GRID2: variants seen among roughly 807,000 people sequenced by gnomAD.
GRID2 encodes the protein glutamate receptor ionotropic, delta-2.
Under a neutral mutation model 114.8 loss-of-function variants are expected in GRID2, and 33 were observed. The ratio of observed to expected loss-of-function variants is 0.29; its 90% CI spans 0.22 to 0.38. The LOEUF is 0.38. GRID2 is among the 10% of genes least tolerant of loss of function. The probability of loss-of-function intolerance (pLI) is 1.00; values close to 1 mark genes in which losing one functional copy is unlikely to be tolerated. For synonymous variants in GRID2, 505 were observed against 449.9 expected, an observed-to-expected ratio of 1.12 and a Z score of -1.55; for missense variants, 1,184 against 1,257.7, an observed-to-expected ratio of 0.94 and a Z score of 0.89.
chr4:93,328,482 ACTAT>A (rs1211999556), intron 8 of GRID2, among the ~76,000 whole-genome samples: 1 of 152,104 alleles, frequency 6.6e-6, no homozygotes, highest in African/African-American at 2.4e-5. Context: ...TCCTTATAAC[ACTAT>A]CTAAAATAAC....
intron 13 of GRID2, among the ~76,000 whole-genome samples, chr4:93,613,855 A>C (rs902778385): frequency 8.6e-5 from 13 of 151,366 alleles, no homozygotes; most frequent in South Asian, 4.2e-4. Flanking sequence ...TCGAGCTTCC[A>C]GGCTGCTTTG....
intron 12 of GRID2, among the ~76,000 whole-genome samples, chr4:93,492,503 A>G (rs1727116387): frequency 6.6e-6 from 1 of 151,842 alleles, no homozygotes; most frequent in Non-Finnish European, 1.5e-5. Flanking sequence ...GAACACAAGA[A>G]GAAACTCGTC....
intron 2 of GRID2, among the ~76,000 whole-genome samples, chr4:92,746,150 C>T (rs916286844): frequency 3.9e-5 from 6 of 152,028 alleles, no homozygotes; most frequent in Admixed American, 3.9e-4. Flanking sequence ...GTATATCTTC[C>T]TAAAATATCA....
chr4:93,576,613 T>C (rs1047559075), intron 13 of GRID2, among the ~76,000 whole-genome samples: 6 of 152,234 alleles, frequency 3.9e-5, no homozygotes, highest in African/African-American at 7.2e-5. Flanking sequence ...TTTTCAAATA[T>C]AGAGAATATT....
chr4:93,311,726 A>G (rs544852979), intron 8 of GRID2, among the ~76,000 whole-genome samples: 83 of 152,300 alleles, frequency 5.4e-4, no homozygotes, highest in African/African-American at 1.8e-3. Context: ...GAGGATGAAC[A>G]GGAGAGGGTA....
intron 2 of GRID2, among the ~76,000 whole-genome samples, chr4:92,687,982 A>G (rs749331782): frequency 2.4e-4 from 32 of 132,266 alleles, no homozygotes; most frequent in Non-Finnish European, 3.4e-4. Context: ...TGCTGTGGCC[A>G]TTTTTAAAAA....
chr4:93,275,853 A>C (rs1751999836), intron 8 of GRID2, among the ~76,000 whole-genome samples: 1 of 151,872 alleles, frequency 6.6e-6, no homozygotes, highest in African/African-American at 2.4e-5. Flanking sequence ...TTCTTTATAT[A>C]AATTGGATAT....
At chr4:93,656,068 A>G (rs1184731450) in intron 14 of GRID2, among the ~76,000 whole-genome samples, 1 of 151,858 alleles carries the variant, frequency 6.6e-6, no homozygotes, top group Non-Finnish European at 1.5e-5. Flanking sequence ...ATATAAATGT[A>G]TCTTCAGTAC....
At position 93,625,945 on chromosome 4, in the gene GRID2, A is replaced by G. The variant is rs112107988; in HGVS notation, c.2194-324A>G. 3.2e-3 allele frequency among the ~76,000 whole-genome samples: 492 copies of G among 152,254 alleles called. 2 individuals carry two copies. The highest frequency in any genetic ancestry group is 0.011 in the African/African-American group (452 of 41,552). On this transcript the variant is annotated intron_variant, in intron 13 of 15. Transcript: ENST00000282020. Reference sequence around the variant, plus strand: ...AAACAAAACAAAACAAAACAAAAATAAAGCGCAACAACTGTTTACATAGCA... The same window carrying G: ...AAACAAAACAAAACAAAACAAAAATGAAGCGCAACAACTGTTTACATAGCA...
At chr4:93,667,388 C>CT (rs1215839277) in intron 14 of GRID2, among the ~76,000 whole-genome samples, 2,967 of 142,528 alleles carry the variant, frequency 0.021, 80 homozygotes, top group African/African-American at 0.066. Context: ...CTCTCTCTCT[C>CT]TTTTTTTTTT....
At chr4:92,923,637 A>T (rs1382658228) in intron 2 of GRID2, among the ~76,000 whole-genome samples, 1 of 152,214 alleles carries the variant, frequency 6.6e-6, no homozygotes, top group Non-Finnish European at 1.5e-5. Flanking sequence ...ATAAACTGCG[A>T]CGTAACTGGG....
intron 9 of GRID2, among the ~76,000 whole-genome samples, chr4:93,400,528 T>C (rs979724974): frequency 6.6e-6 from 1 of 152,134 alleles, no homozygotes; most frequent in African/African-American, 2.4e-5. Flanking sequence ...GTCATTCAAT[T>C]GTTTTCATGG....
chr4:92,786,140 C>G (rs1213858747), intron 2 of GRID2, among the ~76,000 whole-genome samples: 1 of 151,864 alleles, frequency 6.6e-6, no homozygotes, highest in Non-Finnish European at 1.5e-5. Flanking sequence ...TCATGCTTTT[C>G]TTTTAACCTT....
intron 4 of GRID2, among the ~76,000 whole-genome samples, chr4:93,186,223 A>G (rs187572063): frequency 8.5e-5 from 13 of 152,222 alleles, no homozygotes; most frequent in Admixed American, 7.9e-4. Flanking sequence ...ATGCGTCTTT[A>G]TAGTAGCATG....
intron 1 of GRID2, among the ~76,000 whole-genome samples, chr4:92,308,819 G>A (rs766535759): frequency 4.6e-5 from 7 of 151,718 alleles, no homozygotes; most frequent in Non-Finnish European, 8.8e-5. Context: ...TTTGGATTGT[G>A]TAAGATGTCT....
intron 1 of GRID2, among the ~76,000 whole-genome samples, chr4:92,579,851 A>T (rs1728088690): frequency 7.5e-6 from 1 of 133,958 alleles, no homozygotes; most frequent in African/African-American, 2.6e-5. Flanking sequence ...TAAGTAATTG[A>T]TATACAAAAT....
chr4:92,345,432 T>G (rs1026690919), intron 1 of GRID2, among the ~76,000 whole-genome samples: 6 of 152,232 alleles, frequency 3.9e-5, no homozygotes, highest in Non-Finnish European at 8.8e-5. Flanking sequence ...TGCATCTGTC[T>G]TTTTCATATA....
intron 11 of GRID2, among the ~76,000 whole-genome samples, chr4:93,482,740 A>G (rs1725998928): frequency 6.6e-6 from 1 of 151,964 alleles, no homozygotes; most frequent in Non-Finnish European, 1.5e-5. Context: ...GTAATTGTAA[A>G]TGGAACAACT....
At chr4:93,237,422 C>G (rs1746925059) in intron 7 of GRID2, among the ~76,000 whole-genome samples, 1 of 151,820 alleles carries the variant, frequency 6.6e-6, no homozygotes, top group Admixed American at 6.6e-5. Context: ...CATAATATTA[C>G]TACCAGCCAG....
Sources: gnomAD v4.1 joint callset for allele counts (sites outside exome capture counted in the v4.1 genomes callset) on GRCh38, gnomAD v4.1.1 for gene constraint, MANE v1.5 for transcripts, NCBI Gene and HGNC (gene_info 2026-07-23, HGNC 2026-07-21) for gene names.